Variants in RGS12 observed in about 807,000 individuals in gnomAD.
RGS12 encodes regulator of G protein signaling 12.
A neutral mutation model predicts 120.1 loss-of-function variants in RGS12; 66 were observed. That is an observed-to-expected ratio of 0.55 (90% CI 0.45 to 0.67). RGS12 has a LOEUF of 0.67. RGS12 is among the 30% of genes least tolerant of loss of function. The pLI is 0.00. For synonymous variants in RGS12, 827 were observed against 804.7 expected (o/e 1.03, Z -0.47); for missense variants, 1,859 against 1,957.7 (o/e 0.95, Z 0.95).
chr4:3,297,333 C>T lies in RGS12; in HGVS notation c.-102+4234C>T, dbSNP rs556524445. On this transcript the variant is annotated intron_variant, in intron 1 of 17. Transcript: ENST00000336727. ...GTCCAGTTGTAGGCATTCTCCTGCCCTGCCTGGCCGCAGCCCCCAGAGGCG... is the reference window on the plus strand; with the variant it reads ...GTCCAGTTGTAGGCATTCTCCTGCCTTGCCTGGCCGCAGCCCCCAGAGGCG... Among the ~76,000 whole-genome samples the T allele has an allele frequency of 4.1e-4, 63 of 152,340 alleles. No individual in the cohort carries two copies. The South Asian group carries it at 0.013, about 31-fold the overall frequency.
intron 1 of RGS12, among the ~76,000 whole-genome samples, chr4:3,294,582 A>T (rs1025379372): frequency 6.6e-6 from 1 of 152,144 alleles, no homozygotes; most frequent in Admixed American, 6.5e-5. Flanking sequence ...CCTCAGCTGG[A>T]TGCTCTGCAG....
chr4:3,412,947 G>A (rs1204679857), intron 4 of RGS12: 4 of 152,268 alleles, frequency 2.6e-5, no homozygotes, highest in African/African-American at 9.6e-5. Context: ...GCCACTCTGG[G>A]ACAGGGGCGC....
chr4:3,421,320 C>T (rs1421322412), intron 10 of RGS12, among the ~76,000 whole-genome samples: 1 of 152,204 alleles, frequency 6.6e-6, no homozygotes, highest in Non-Finnish European at 1.5e-5. Flanking sequence ...GCATCCTGGT[C>T]ATTTGAAATT....
In RGS12 at chr4:3,372,699, G is replaced by A. The variant is rs896046024; in HGVS notation, c.1999-13717G>A. Among the ~76,000 whole-genome samples, 1 of 152,200 alleles carries A rather than the reference G, an allele frequency of 6.6e-6. No individual in the cohort carries two copies. Among genetic ancestry groups the A allele is most frequent in the South Asian group, 2.1e-4 (1 of 4,828 alleles). ...GAAGTTCTGCAGTGTCAGACACTTGGCAGAAACTTTGTTTCTCAAGGCAAA... is the reference window on the plus strand; with the variant it reads ...GAAGTTCTGCAGTGTCAGACACTTGACAGAAACTTTGTTTCTCAAGGCAAA... On this transcript the variant is annotated intron_variant, in intron 3 of 17. Coordinates refer to ENST00000336727, the MANE Select transcript of RGS12 (RefSeq NM_001394154.1). The surrounding 1 kb of genome is among the most constrained non-coding windows in gnomAD (Gnocchi z 4.3).
At chr4:3,306,031 C>T (rs1023600459) in intron 1 of RGS12, among the ~76,000 whole-genome samples, 1 of 152,052 alleles carries the variant, frequency 6.6e-6, no homozygotes, top group African/African-American at 2.4e-5. Context: ...CCATCAGGCA[C>T]GAGCCATACC....
At chr4:3,423,389 G>A in intron 12 of RGS12, 126 bp from the exon 13 acceptor site, 1 of 1,289,726 alleles carries the variant, frequency 7.8e-7, no homozygotes, top group East Asian at 2.3e-5. Flanking sequence ...ATCAGCTGGG[G>A]CTGAACTGGG....
chr4:3,295,969 C>A (rs1324680481), intron 1 of RGS12, among the ~76,000 whole-genome samples: 1 of 152,228 alleles, frequency 6.6e-6, no homozygotes, highest in Non-Finnish European at 1.5e-5. Context: ...GTGTCATCGT[C>A]AGCTGGCCAA....
In RGS12 at chr4:3,372,090, A is replaced by G. The variant is rs1717069739; in HGVS notation, c.1999-14326A>G. ...GGCACCTCATCCTGTTTCATAAACC[A>G]TGTGGCGTCAGGTGTTGCAGGCTCT... On this transcript the variant is annotated intron_variant, in intron 3 of 17. Coordinates refer to ENST00000336727, the MANE Select transcript of RGS12 (RefSeq NM_001394154.1). This position sits in a 1 kb window ranked among gnomAD's most constrained non-coding sequence, Gnocchi z 4.3. Among the ~76,000 whole-genome samples the G allele has an allele frequency of 1.3e-5, 2 of 152,154 alleles. No individual in the cohort carries two copies. Among genetic ancestry groups the G allele is most frequent in the African/African-American group, 4.8e-5 (2 of 41,434 alleles).
chr4:3,431,031 G>C, intron 17 of RGS12, 76 bp downstream of exon 17: 1 of 1,542,252 alleles, frequency 6.5e-7, no homozygotes, highest in Non-Finnish European at 8.7e-7. Context: ...AAAGGACAGT[G>C]GGCCCCCGGC....
intron 17 of RGS12, among the ~76,000 whole-genome samples, chr4:3,435,706 C>A (rs1724746715): frequency 6.6e-6 from 1 of 152,116 alleles, no homozygotes; most frequent in Non-Finnish European, 1.5e-5. Flanking sequence ...CGTGGTCCTC[C>A]CGGATCCCAC....
chr4:3,386,434 G>T lies in RGS12; in HGVS notation c.2017G>T (p.Gly673Cys). The T allele has an allele frequency of 1.2e-6, 2 of 1,611,200 alleles. No individual in the cohort carries two copies. The highest frequency in any genetic ancestry group is 1.1e-5 in the South Asian group (1 of 90,964). The change falls in exon 4 of 18, where the codon GGC becomes TGC. Residue 673 changes from glycine (G) to cysteine (C), a missense_variant. By Grantham distance (159) the Gly-to-Cys change is radical. Around this residue, in one of 3 missense-constraint regions of RGS12, gnomAD observed 967 missense variants for 994.2 expected, o/e 0.97. Transcript: ENST00000336727. ...DDLESATVSD[G>C]ELTGADLKDC... ...CTTTCAGTCTGCAACTGTGTCTGAT[G>T]GCGGTAAGTCACAATTTCTGATGTA... is the stretch of plus-strand genomic sequence containing the variant.
chr4:3,420,323 A>C, intron 9 of RGS12: 2 of 439,778 alleles, frequency 4.5e-6, no homozygotes, highest in Non-Finnish European at 8.4e-6. Flanking sequence ...GTGTAACTGC[A>C]CGTACTGATG....
intron 4 of RGS12, among the ~76,000 whole-genome samples, chr4:3,399,832 A>G (rs1052700483): frequency 2.0e-5 from 3 of 152,226 alleles, no homozygotes; most frequent in African/African-American, 4.8e-5. Context: ...TTCTTACACT[A>G]CATTACATGC....
chr4:3,415,931 C>G (rs763251116), intron 6 of RGS12, 47 bp from the exon 7 acceptor site: 27 of 1,563,334 alleles, frequency 1.7e-5, no homozygotes, highest in Non-Finnish European at 2.2e-5. Flanking sequence ...AGCAGGAGTG[C>G]GGGGAGAGGA....
At chr4:3,303,049 C>T (rs894507948) in intron 1 of RGS12, among the ~76,000 whole-genome samples, 3 of 152,096 alleles carry the variant, frequency 2.0e-5, no homozygotes, top group African/African-American at 7.2e-5. Context: ...AATGAATAAA[C>T]GAATGAATGA....
At position 3,316,302 on chromosome 4, in the gene RGS12, C is replaced by T. The variant is rs1724743283; in HGVS notation, c.132C>T (p.Leu44=). The change falls in exon 2 of 18, where the codon CTC becomes CTT. Residue 44 remains leucine (L), a synonymous_variant. Coordinates refer to ENST00000336727, the MANE Select transcript of RGS12 (RefSeq NM_001394154.1). ...TTTCGGGACAGGCACCCTGTGTGCT[C>T]AGCTGCGTCATGAGAGGGAGCCCTG... ...FTLSGQAPCV[L]SCVMRGSPAD... 6.2e-7 allele frequency: 1 copy of T among 1,614,000 alleles called. No homozygotes were observed. The highest frequency in any genetic ancestry group is 1.3e-5 in the African/African-American group (1 of 74,940).
At chr4:3,361,517 G>T (rs943339694) in intron 3 of RGS12, among the ~76,000 whole-genome samples, 1 of 152,206 alleles carries the variant, frequency 6.6e-6, no homozygotes, top group Non-Finnish European at 1.5e-5. Context: ...GCAAGATGGG[G>T]CCTGGGACCT....
chr4:3,301,058 C>T (rs1336722334), intron 1 of RGS12, among the ~76,000 whole-genome samples: 1 of 150,044 alleles, frequency 6.7e-6, no homozygotes, highest in East Asian at 2.0e-4. Context: ...CGGGGTCTGT[C>T]CCCGGCTGCC....
chr4:3,370,272 A>T, intron 3 of RGS12: 5 of 1,613,926 alleles, frequency 3.1e-6, no homozygotes, highest in Non-Finnish European at 4.2e-6. Flanking sequence ...CTTACAATGA[A>T]TTTGGGGAAA....
Sources: allele counts gnomAD v4.1 joint callset (sites outside exome capture counted in the v4.1 genomes callset), GRCh38; gene constraint gnomAD v4.1.1; regional missense constraint gnomAD v4.1.1; non-coding constraint Gnocchi (gnomAD v3.1); transcripts MANE v1.5; gene names NCBI Gene and HGNC (gene_info 2026-07-23, HGNC 2026-07-21).